The following NYAP2 variants were observed in gnomAD, a reference collection of about 807,000 sequenced individuals.
NYAP2 encodes neuronal tyrosine-phosphorylated phosphoinositide-3-kinase adaptor 2.
Under a neutral mutation model 50.4 loss-of-function variants are expected in NYAP2, and 23 were observed. The observed-to-expected ratio is 0.46, with a 90% CI of 0.33 to 0.65. NYAP2 has a LOEUF of 0.65. NYAP2 is among the 30% of genes least tolerant of loss of function. The pLI, the probability that NYAP2 is intolerant of heterozygous loss-of-function variation, is 0.02. For synonymous variants in NYAP2, 394 were observed against 365.2 expected (o/e 1.08, Z -0.90); for missense variants, 885 against 861.0 (o/e 1.03, Z -0.35).
intron 5 of NYAP2, among the ~76,000 whole-genome samples, chr2:225,624,005 T>C (rs1470075722): frequency 6.6e-6 from 1 of 152,238 alleles, no homozygotes; most frequent in African/African-American, 2.4e-5. Flanking sequence ...AATGGAAAAT[T>C]AACACGCTAT....
intron 4 of NYAP2, among the ~76,000 whole-genome samples, chr2:225,569,132 A>G (rs1257442400): frequency 6.6e-6 from 1 of 152,164 alleles, no homozygotes; most frequent in Admixed American, 6.6e-5. Context: ...GAGAACATAA[A>G]GTGGCCTGGG....
At chr2:225,691,274 C>T in the NYAP2 span, among the ~76,000 whole-genome samples, 3 of 151,884 alleles carry the variant, frequency 2.0e-5, no homozygotes, top group Admixed American at 6.6e-5. Context: ...CCTGACTACT[C>T]GATTCTACCT....
intron 4 of NYAP2, among the ~76,000 whole-genome samples, chr2:225,535,079 C>T (rs145446809): frequency 1.4e-4 from 22 of 152,276 alleles, no homozygotes; most frequent in East Asian, 1.9e-4. Context: ...GATCAGCAGG[C>T]GGCTAATAGC....
the NYAP2 span, among the ~76,000 whole-genome samples, chr2:225,676,222 C>G: frequency 0.95 from 144,729 of 151,998 alleles, 69,008 homozygotes; most frequent in African/African-American, 0.99. Context: ...TAAATTCTTT[C>G]ACAAAACCTA....
chr2:225,623,091 T>C (rs1688632236), intron 5 of NYAP2, among the ~76,000 whole-genome samples: 1 of 152,246 alleles, frequency 6.6e-6, no homozygotes, highest in South Asian at 2.1e-4. Flanking sequence ...AACAAGTTTA[T>C]ACACAGGCCC....
At chr2:225,572,465 A>G (rs1286281965) in intron 4 of NYAP2, among the ~76,000 whole-genome samples, 1 of 152,204 alleles carries the variant, frequency 6.6e-6, no homozygotes, top group Admixed American at 6.5e-5. Context: ...AATGAGTGCC[A>G]GCAGTGGAAA....
intron 6 of NYAP2, among the ~76,000 whole-genome samples, chr2:225,634,418 G>T (rs1167171383): frequency 6.6e-6 from 1 of 152,138 alleles, no homozygotes; most frequent in African/African-American, 2.4e-5. Flanking sequence ...CTGCAGAACG[G>T]TTCTGGGACT....
intron 4 of NYAP2, among the ~76,000 whole-genome samples, chr2:225,564,391 AAG>A (rs1691926738): frequency 6.6e-6 from 1 of 151,656 alleles, no homozygotes; most frequent in African/African-American, 2.4e-5. Context: ...AGTAACCCCT[AAG>A]AGCTCAGAAC....
chr2:225,399,857 C>T (rs1049150093), exon 1 of NYAP2: 1 of 152,060 alleles, frequency 6.6e-6, no homozygotes, highest in Non-Finnish European at 1.5e-5. Flanking sequence ...TATAACTTAA[C>T]CATTCTCTGT....
At chr2:225,576,277 C>G (rs545536406) in intron 4 of NYAP2, among the ~76,000 whole-genome samples, 1 of 152,196 alleles carries the variant, frequency 6.6e-6, no homozygotes, top group Non-Finnish European at 1.5e-5. Flanking sequence ...TCTCTACTTT[C>G]ACTGTCGCCA....
At chr2:225,535,887 G>A (rs1023148479) in intron 4 of NYAP2, among the ~76,000 whole-genome samples, 2 of 152,082 alleles carry the variant, frequency 1.3e-5, no homozygotes, top group Non-Finnish European at 2.9e-5. Flanking sequence ...GATAGATATA[G>A]ATATATCTAG....
intron 3 of NYAP2, among the ~76,000 whole-genome samples, chr2:225,423,477 A>G (rs1041288799): frequency 3.3e-5 from 5 of 152,176 alleles, no homozygotes; most frequent in African/African-American, 1.2e-4. Context: ...TCACCCCAGA[A>G]TTGAATCAAG....
chr2:225,434,933 T>G (rs1167382977), intron 3 of NYAP2, among the ~76,000 whole-genome samples: 3 of 152,226 alleles, frequency 2.0e-5, no homozygotes, highest in Non-Finnish European at 4.4e-5. Flanking sequence ...GCTGAATTAA[T>G]CCTTTATTAA....
intron 6 of NYAP2, among the ~76,000 whole-genome samples, chr2:225,629,483 AAT>A (rs1292210165): frequency 6.6e-6 from 1 of 152,354 alleles, no homozygotes; most frequent in East Asian, 1.9e-4. Flanking sequence ...GTTACATAAA[AAT>A]ATGAATACTA....
At chr2:225,620,250 T>C (rs760330828) in intron 5 of NYAP2, among the ~76,000 whole-genome samples, 13 of 152,250 alleles carry the variant, frequency 8.5e-5, no homozygotes, top group Admixed American at 6.5e-5. Context: ...TATTATATAT[T>C]ACAAGAGTCT....
rs191958157 is a variant in NYAP2, at chr2:225,504,771, A to G, written c.222-8600A>G. On this transcript the variant is annotated intron_variant, in intron 3 of 6. Coordinates refer to ENST00000636099, the Ensembl canonical transcript of NYAP2. ...ATGCCTGTAACCCCAGCACTTTGGG[A>G]AGCTGAGGCAGGGGGATCATGAGGT... Among the ~76,000 whole-genome samples, 346 of 152,234 alleles carry G rather than the reference A, an allele frequency of 2.3e-3. 1 individual carries two copies. The highest frequency in any genetic ancestry group is 3.7e-3 in the Non-Finnish European group (255 of 68,024).
chr2:225,503,387 A>G (rs918054957), intron 3 of NYAP2, among the ~76,000 whole-genome samples: 1 of 152,230 alleles, frequency 6.6e-6, no homozygotes, highest in Non-Finnish European at 1.5e-5. Flanking sequence ...GAAATGAGGA[A>G]TGTTTTAATT....
chr2:225,660,223 T>A, the NYAP2 span, among the ~76,000 whole-genome samples: 3 of 152,190 alleles, frequency 2.0e-5, no homozygotes, highest in South Asian at 6.2e-4. Flanking sequence ...AGGTCTGGCA[T>A]TTCTTCTTAC....
chr2:225,650,336 C>T (rs571927440), intron 6 of NYAP2, among the ~76,000 whole-genome samples: 2 of 152,302 alleles, frequency 1.3e-5, no homozygotes, highest in Admixed American at 6.5e-5. Context: ...TTTCTTCCAA[C>T]GGAATTGGGC....
Sources: gnomAD v4.1 joint callset for allele counts (sites outside exome capture counted in the v4.1 genomes callset) on GRCh38, gnomAD v4.1.1 for gene constraint, MANE v1.5 for transcripts, NCBI Gene and HGNC (gene_info 2026-07-23, HGNC 2026-07-21) for gene names.